NOL9: variants seen among roughly 807,000 people sequenced by gnomAD.
NOL9 encodes polynucleotide 5'-hydroxyl-kinase NOL9.
In NOL9, 28 loss-of-function variants were observed where a neutral mutation model predicts 67.9. The observed-to-expected ratio is 0.41, with a 90% CI of 0.31 to 0.57. The LOEUF (loss-of-function observed/expected upper bound fraction) is 0.57. NOL9 is among the 20% of genes least tolerant of loss of function. The pLI is 0.25. For synonymous variants in NOL9, 356 were observed against 352.2 expected (o/e 1.01, Z -0.12); for missense variants, 777 against 897.0 (o/e 0.87, Z 1.71).
chr1:6,531,571 G>A (rs112105901), intron 9 of NOL9, among the ~76,000 whole-genome samples: 2 of 152,170 alleles, frequency 1.3e-5, no homozygotes, highest in African/African-American at 4.8e-5. Flanking sequence ...AACGCTCCCT[G>A]AATCCACACG....
chr1:6,550,643 A>G (rs771015251), intron 1 of NOL9, 28 bp from the exon 2 acceptor site: 6 of 1,465,280 alleles, frequency 4.1e-6, no homozygotes, highest in Admixed American at 1.7e-5. Flanking sequence ...CAGAAAAAAC[A>G]TTATAGATCA....
In NOL9 at chr1:6,525,785, C is replaced by T; in HGVS notation, c.*69G>A. The T allele has an allele frequency of 6.5e-7, 1 of 1,544,264 alleles. No individual in the cohort carries two copies. The highest frequency in any genetic ancestry group is 8.9e-7 in the Non-Finnish European group (1 of 1,121,984). ...TCATGGCCATGAAACTCCATCATGT[C>T]TCTTGTGGTCAGGCTTGAGACAAAG... On this transcript the variant is annotated 3_prime_UTR_variant, in exon 12 of 12. Coordinates refer to ENST00000377705, the MANE Select transcript of NOL9 (RefSeq NM_024654.5).
intron 11 of NOL9, 75 bp from the exon 12 acceptor site, chr1:6,526,078 C>A: frequency 7.6e-7 from 1 of 1,318,812 alleles, no homozygotes; most frequent in South Asian, 1.2e-5. Context: ...CTCTCTCACA[C>A]CTAGAAGGCA....
chr1:6,546,047 A>G (rs763996060), intron 3 of NOL9, among the ~76,000 whole-genome samples: 2 of 152,134 alleles, frequency 1.3e-5, no homozygotes, highest in Non-Finnish European at 2.9e-5. Context: ...TGAACCAACC[A>G]TTCTACACTG....
chr1:6,529,289 TA>T lies in NOL9; in HGVS notation c.1648-119del, dbSNP rs1291231536. On this transcript the variant is annotated intron_variant, in intron 9 of 11. Transcript: ENST00000377705. ...GTCTGCCAAAGTGCCTACTCAAAAGTATCTCTAAAGAATAAAAACAGCCAGG... is the reference window on the plus strand; with the variant it reads ...GTCTGCCAAAGTGCCTACTCAAAAGTTCTCTAAAGAATAAAAACAGCCAGG... The T allele has an allele frequency of 4.4e-6, 4 of 911,292 alleles. No individual in the cohort carries two copies. The East Asian group carries it at 1.1e-4, about 24-fold the overall frequency. 56.5% of individuals were successfully genotyped at this position (911,292 alleles called of 1,614,324 possible). A position where few individuals can be genotyped will look rare whatever the true frequency, so the allele number is the denominator to read the frequency against.
chr1:6,543,253 C>G (rs919458836), intron 5 of NOL9, among the ~76,000 whole-genome samples: 1 of 149,486 alleles, frequency 6.7e-6, no homozygotes, highest in Non-Finnish European at 1.5e-5. Flanking sequence ...TGGAGTGCAG[C>G]GGCACCATCT....
At chr1:6,550,841 G>A (rs370857166) in intron 1 of NOL9, among the ~76,000 whole-genome samples, 21 of 152,082 alleles carry the variant, frequency 1.4e-4, no homozygotes, top group Non-Finnish European at 3.1e-4. Context: ...GTGTCACCAC[G>A]CCCGGCTAAT....
Position 6,525,739 on chromosome 1 carries a change from T to TG in NOL9, c.*114dup. ...CATTCACGAATTACACAAAAAACAC[T>TG]GTTGCTAATAAGGGCACCATTCATG... On this transcript the variant is annotated 3_prime_UTR_variant, in exon 12 of 12. Transcript: ENST00000377705. 9.5e-7 allele frequency: 1 copy of TG among 1,049,916 alleles called. No homozygotes were observed. Among genetic ancestry groups the TG allele is most frequent in the Non-Finnish European group, 1.4e-6 (1 of 699,118 alleles). The allele number at this position is 1,049,916 out of a possible 1,614,324, so 65.0% of individuals were successfully genotyped here.
At position 6,521,768 on chromosome 1, in the gene NOL9, G is replaced by A. The variant is rs1638775287; in HGVS notation, c.*4086C>T. 6.6e-6 allele frequency: 1 copy of A among 152,170 alleles called. No homozygotes were observed. Among genetic ancestry groups the A allele is most frequent in the African/African-American group, 2.4e-5 (1 of 41,440 alleles). The allele number at this position is 152,170 out of a possible 1,614,324, so 9.4% of individuals were successfully genotyped here. ...AGCACAGCCGTGGTGCCAGCCTCCT[G>A]AGTTTACCATCTCATCAGAGGCTAG... On this transcript the variant is annotated 3_prime_UTR_variant, in exon 12 of 12. Coordinates refer to ENST00000377705, the MANE Select transcript of NOL9 (RefSeq NM_024654.5).
chr1:6,535,331 T>C (rs996051000), intron 6 of NOL9, among the ~76,000 whole-genome samples: 16 of 152,050 alleles, frequency 1.1e-4, no homozygotes, highest in African/African-American at 3.9e-4. Context: ...TCTGGAAAAA[T>C]AGCTCATTCC....
chr1:6,553,138 C>A (rs998016042), intron 1 of NOL9, among the ~76,000 whole-genome samples: 4 of 152,128 alleles, frequency 2.6e-5, no homozygotes, highest in African/African-American at 9.7e-5. Flanking sequence ...AAACTAAGAT[C>A]ATACCCCATG....
At position 6,554,333 on chromosome 1, in the gene NOL9, G is replaced by C; in HGVS notation, c.170C>G (p.Ala57Gly). The C allele has an allele frequency of 6.9e-7, 1 of 1,458,764 alleles. No individual in the cohort carries two copies. The allele number at this position is 1,458,764 out of a possible 1,614,324, so 90.4% of individuals were successfully genotyped here. A position where few individuals can be genotyped will look rare whatever the true frequency, so the allele number is the denominator to read the frequency against. The change falls in exon 1 of 12, where the codon GCG (alanine) becomes GGG (glycine). Residue 57 changes from alanine to glycine, a missense_variant. By Grantham distance (60) the Ala-to-Gly change is moderately conservative. Around this residue, in one of 2 missense-constraint regions of NOL9, gnomAD observed 364 missense variants for 344.4 expected, o/e 1.06. Transcript: ENST00000377705. ...TCCCTCCCTCCAGTCCACGCCGGAC[G>C]CCTGGGCTTGCAGTAACCGCCACCG... The part of the protein sequence containing the change: ...RLRWRLLQAQ[A>G]SGVDWREGAR...
At chr1:6,530,311 G>A (rs1011760984) in intron 9 of NOL9, among the ~76,000 whole-genome samples, 8 of 150,996 alleles carry the variant, frequency 5.3e-5, no homozygotes, top group Non-Finnish European at 1.0e-4. Context: ...AAGATTAGCT[G>A]GGCGTGGTGG....
At chr1:6,526,218 A>G (rs1049934718) in intron 11 of NOL9, among the ~76,000 whole-genome samples, 6 of 152,152 alleles carry the variant, frequency 3.9e-5, no homozygotes, top group Non-Finnish European at 8.8e-5. Context: ...CATTCCATCA[A>G]CACAGCAAAC....
At chr1:6,537,490 T>C (rs1278716719) in intron 6 of NOL9, among the ~76,000 whole-genome samples, 3 of 151,986 alleles carry the variant, frequency 2.0e-5, no homozygotes, top group African/African-American at 7.3e-5. Flanking sequence ...AGAGTTAATA[T>C]CCAAAATATG....
intron 1 of NOL9, among the ~76,000 whole-genome samples, chr1:6,552,582 C>T (rs796370751): frequency 4.6e-5 from 7 of 151,372 alleles, no homozygotes; most frequent in African/African-American, 1.7e-4. Flanking sequence ...GCCACCACAT[C>T]TCAAACTCCT....
chr1:6,524,096 G>T lies in NOL9; in HGVS notation c.*1758C>A, dbSNP rs1451257659. On this transcript the variant is annotated 3_prime_UTR_variant, in exon 12 of 12. Transcript: ENST00000377705. ...ATGAGCCAGATTTCAACATAAATAA[G>T]GGGCAACTAAGAAGCTAGACTCAAT... 1 of 152,140 alleles carries T rather than the reference G, an allele frequency of 6.6e-6. No individual in the cohort carries two copies. Among genetic ancestry groups the T allele is most frequent in the Non-Finnish European group, 1.5e-5 (1 of 68,022 alleles). The allele number at this position is 152,140 out of a possible 1,614,324, so 9.4% of individuals were successfully genotyped here. A position where few individuals can be genotyped will look rare whatever the true frequency, so the allele number is the denominator to read the frequency against.
chr1:6,553,568 G>T (rs1025896755), intron 1 of NOL9, among the ~76,000 whole-genome samples: 3 of 150,892 alleles, frequency 2.0e-5, no homozygotes, highest in African/African-American at 7.3e-5. Flanking sequence ...AGTTCCAGGT[G>T]CGGTGGTTCA....
intron 3 of NOL9, among the ~76,000 whole-genome samples, chr1:6,547,540 A>T (rs181066190): frequency 6.6e-6 from 1 of 152,036 alleles, no homozygotes; most frequent in Admixed American, 6.6e-5. Flanking sequence ...AAAGAACTTA[A>T]GGAAATGAAT....
Sources: gnomAD v4.1 joint callset for allele counts (sites outside exome capture counted in the v4.1 genomes callset) on GRCh38, gnomAD v4.1.1 for gene constraint, gnomAD v4.1.1 regional missense constraint, MANE v1.5 for transcripts, NCBI Gene and HGNC (gene_info 2026-07-23, HGNC 2026-07-21) for gene names.